The following TMEM233 variants were observed in gnomAD, a reference collection of about 807,000 sequenced individuals.
The protein encoded by TMEM233 is transmembrane protein 233, also known as dispanin subfamily B member 2.
Under a neutral mutation model 11.2 loss-of-function variants are expected in TMEM233, and 6 were observed. The ratio of observed to expected loss-of-function variants is 0.54; its 90% confidence interval spans 0.29 to 1.06. The LOEUF is 1.06. TMEM233 is among the 50% of genes least tolerant of loss of function. The probability of loss-of-function intolerance (pLI) is 0.08; values close to 1 mark genes in which losing one functional copy is unlikely to be tolerated. For missense variants in TMEM233, 127 were observed against 144.7 expected (o/e 0.88, Z 0.63); for synonymous variants, 59 against 55.8 (o/e 1.06, Z -0.26).
chr12:119,645,174 C>T (rs1165737091), downstream of TMEM233, among the ~76,000 whole-genome samples: 1 of 152,108 alleles, frequency 6.6e-6, no homozygotes, highest in Non-Finnish European at 1.5e-5. Flanking sequence ...TATAAAATCG[C>T]TGGCCTCAGC....
chr12:119,614,934 C>T (rs1954490215), intron 1 of TMEM233, among the ~76,000 whole-genome samples: 1 of 151,372 alleles, frequency 6.6e-6, no homozygotes, highest in African/African-American at 2.4e-5. Flanking sequence ...CCCCTTTGGC[C>T]TTATCTCATC....
intron 1 of TMEM233, among the ~76,000 whole-genome samples, chr12:119,619,295 A>G (rs1954597666): frequency 1.3e-5 from 2 of 152,302 alleles, no homozygotes; most frequent in African/African-American, 2.4e-5. Context: ...TATTAGCAGC[A>G]TAAGAATGGA....
At chr12:119,631,740 G>A in intron 2 of TMEM233, 1 of 813,918 alleles carries the variant, frequency 1.2e-6, no homozygotes, top group Non-Finnish European at 1.5e-6. Flanking sequence ...CTTATTCACT[G>A]TGAGACCTTC....
At chr12:119,616,673 T>G (rs1302242334) in intron 1 of TMEM233, among the ~76,000 whole-genome samples, 2 of 152,188 alleles carry the variant, frequency 1.3e-5, no homozygotes, top group East Asian at 3.8e-4. Context: ...GGTGATATTG[T>G]TTGGCTCTGT....
intron 1 of TMEM233, among the ~76,000 whole-genome samples, chr12:119,602,751 C>T (rs924066044): frequency 6.6e-6 from 1 of 152,116 alleles, no homozygotes; most frequent in Non-Finnish European, 1.5e-5. Context: ...CTGTGTGCTC[C>T]TAATTTTAAA....
chr12:119,650,196 A>G, the TMEM233 span, among the ~76,000 whole-genome samples: 3 of 152,108 alleles, frequency 2.0e-5, no homozygotes, highest in African/African-American at 7.2e-5. Context: ...AATAACAAAC[A>G]TTATGGCTTG....
intron 1 of TMEM233, among the ~76,000 whole-genome samples, chr12:119,607,672 A>G (rs1489419463): frequency 4.0e-5 from 6 of 151,434 alleles, no homozygotes; most frequent in Non-Finnish European, 8.8e-5. Flanking sequence ...GCAGTGGTGC[A>G]AAAATGGTTC....
At position 119,594,446 on chromosome 12, in the gene TMEM233, A is replaced by C. The variant is rs1049225461; in HGVS notation, c.186+412A>C. On this transcript the variant is annotated intron_variant, in intron 1 of 2. Coordinates refer to ENST00000426426, the MANE Select transcript of TMEM233 (RefSeq NM_001136534.3). The surrounding 1 kb of genome is among the most constrained non-coding windows in gnomAD (Gnocchi z 5.6). ...ACCCTAGCGAGCGCAGTAAGCTCAT[A>C]CCCCGAGCATGCAGGCTCTACGTTC... 1.8e-5 allele frequency: 3 copies of C among 169,576 alleles called. No individual in the cohort carries two copies. The highest frequency in any genetic ancestry group is 3.8e-5 in the Non-Finnish European group (3 of 79,342). The allele number at this position is 169,576 out of a possible 1,614,324, so 10.5% of individuals were successfully genotyped here.
chr12:119,609,030 G>A (rs760661304), intron 1 of TMEM233, among the ~76,000 whole-genome samples: 3 of 152,180 alleles, frequency 2.0e-5, no homozygotes, highest in Non-Finnish European at 4.4e-5. Flanking sequence ...GCAGAGGTTG[G>A]AACAGTTTGG....
At chr12:119,620,072 G>T (rs1407109193) in intron 1 of TMEM233, among the ~76,000 whole-genome samples, 1 of 152,188 alleles carries the variant, frequency 6.6e-6, no homozygotes, top group African/African-American at 2.4e-5. Flanking sequence ...CTATGTTCCA[G>T]GCACTGTGTG....
intron 1 of TMEM233, among the ~76,000 whole-genome samples, chr12:119,608,063 C>T (rs1954320304): frequency 6.6e-6 from 1 of 152,204 alleles, no homozygotes; most frequent in African/African-American, 2.4e-5. Flanking sequence ...AGCACAGCTC[C>T]TGCCCCAAAG....
At chr12:119,649,347 A>G in the TMEM233 span, among the ~76,000 whole-genome samples, 1 of 152,100 alleles carries the variant, frequency 6.6e-6, no homozygotes, top group Admixed American at 6.5e-5. Context: ...AAAGAAGAGA[A>G]AAAGAAAAGA....
At chr12:119,596,264 T>C (rs990651990) in intron 1 of TMEM233, among the ~76,000 whole-genome samples, 1 of 152,148 alleles carries the variant, frequency 6.6e-6, no homozygotes, top group Admixed American at 6.5e-5. Context: ...TTCACTCCTT[T>C]CCCAGTGCCA....
At chr12:119,612,608 C>T (rs989232161) in intron 1 of TMEM233, among the ~76,000 whole-genome samples, 6 of 151,894 alleles carry the variant, frequency 4.0e-5, no homozygotes, top group Admixed American at 6.6e-5. Context: ...CAAAATTAGC[C>T]GGGCGTGGTG....
intron 1 of TMEM233, among the ~76,000 whole-genome samples, chr12:119,607,119 T>G (rs1175012733): frequency 6.6e-6 from 1 of 152,226 alleles, no homozygotes; most frequent in Non-Finnish European, 1.5e-5. Flanking sequence ...GGAAAGTATT[T>G]CAAACTGTCT....
chr12:119,634,513 G>A (rs114587176), intron 2 of TMEM233, among the ~76,000 whole-genome samples: 2,516 of 152,010 alleles, frequency 0.017, 65 homozygotes, highest in African/African-American at 0.056. Flanking sequence ...TTTGGGAGGC[G>A]GAAGCAGGAG....
At chr12:119,605,225 A>G (rs748300029) in intron 1 of TMEM233, among the ~76,000 whole-genome samples, 34 of 151,932 alleles carry the variant, frequency 2.2e-4, no homozygotes, top group Non-Finnish European at 4.3e-4. Context: ...TTTTTAAAGC[A>G]TTTCATATTG....
rs1339923909 is a variant in TMEM233 at position 119,595,028 on chromosome 12, C to CCCG, written c.186+997_186+999dup. Among the ~76,000 whole-genome samples, 1 of 152,228 alleles carries CCCG rather than the reference C, an allele frequency of 6.6e-6. No homozygotes were observed. The highest frequency in any genetic ancestry group is 2.4e-5 in the African/African-American group (1 of 41,472). On this transcript the variant is annotated intron_variant, in intron 1 of 2. Coordinates refer to ENST00000426426, the MANE Select transcript of TMEM233 (RefSeq NM_001136534.3). The surrounding 1 kb of genome is among the most constrained non-coding windows in gnomAD (Gnocchi z 4.3). ...CTCTGCGCTCAGACCTCCCGAGCTG[C>CCCG]CCGCCTCTCTAGGAGTGGCCGCTGG...
rs6144897 is a variant in TMEM233, at chr12:119,605,409, CTTTTTTTTTTTTTTTTTTT to C, written c.186+11393_186+11411del. On this transcript the variant is annotated intron_variant, in intron 1 of 2. Transcript: ENST00000426426. ...TTATAATCAGACAGCTATGCCTTTC[CTTTTTTTTTTTTTTTTTTT>C]TTTTTTTTTTTTTTTTTGAGACAGG... is the stretch of plus-strand genomic sequence containing the variant. Among the ~76,000 whole-genome samples the C allele has an allele frequency of 4.5e-3, 420 of 93,640 alleles. 2 individuals carry two copies. The highest frequency in any genetic ancestry group is 0.026 in the South Asian group (60 of 2,286). 61.4% of individuals were successfully genotyped at this position (93,640 alleles called of 152,430 possible).
Sources: allele counts gnomAD v4.1 joint callset (sites outside exome capture counted in the v4.1 genomes callset), GRCh38; gene constraint gnomAD v4.1.1; non-coding constraint Gnocchi (gnomAD v3.1); transcripts MANE v1.5; gene names NCBI Gene and HGNC (gene_info 2026-07-23, HGNC 2026-07-21).